Variants in ZNF365 observed in about 807,000 individuals in gnomAD.
The protein encoded by ZNF365 is zinc finger protein 365, also known as protein ZNF365.
A neutral mutation model predicts 35.0 loss-of-function variants in ZNF365; 22 were observed. The observed-to-expected ratio is 0.63, with a 90% CI of 0.45 to 0.90. ZNF365 has a LOEUF of 0.90. Ranked by LOEUF, ZNF365 falls within the 40% of genes least tolerant of loss-of-function variation. The probability of loss-of-function intolerance (pLI) is 0.00; values close to 1 mark genes in which losing one functional copy is unlikely to be tolerated. For missense variants in ZNF365, 448 were observed against 500.3 expected, an observed-to-expected ratio of 0.90 and a Z score of 1.00; for synonymous variants, 188 against 196.2, an observed-to-expected ratio of 0.96 and a Z score of 0.35.
At chr10:62,454,945 T>G (rs1196202701) in intron 3 of ZNF365, among the ~76,000 whole-genome samples, 1 of 152,130 alleles carries the variant, frequency 6.6e-6, no homozygotes, top group African/African-American at 2.4e-5. Context: ...GCACATCTTG[T>G]GGGATAAATG....
At chr10:62,377,419 C>T (rs1369070881) in intron 2 of ZNF365, among the ~76,000 whole-genome samples, 2 of 152,146 alleles carry the variant, frequency 1.3e-5, no homozygotes, top group African/African-American at 2.4e-5. Flanking sequence ...ATTATCTGCC[C>T]AGGTTAATTA....
chr10:62,427,994 C>G (rs1234037086), intron 3 of ZNF365, among the ~76,000 whole-genome samples: 2 of 152,120 alleles, frequency 1.3e-5, no homozygotes, highest in African/African-American at 4.8e-5. Context: ...GATTGGAAAA[C>G]CAAGAGTGGC....
chr10:62,456,423 C>T (rs186088085), intron 3 of ZNF365, among the ~76,000 whole-genome samples: 10 of 152,176 alleles, frequency 6.6e-5, no homozygotes, highest in African/African-American at 1.2e-4. Flanking sequence ...ATTTTGTGTA[C>T]GCCACTCCCC....
intron 4 of ZNF365, among the ~76,000 whole-genome samples, chr10:62,468,529 G>A (rs1840981347): frequency 6.6e-6 from 1 of 152,118 alleles, no homozygotes; most frequent in Admixed American, 6.5e-5. Context: ...ATTGAAACAA[G>A]AACAAACATC....
At chr10:62,434,670 A>G (rs931780954) in intron 3 of ZNF365, among the ~76,000 whole-genome samples, 1 of 152,138 alleles carries the variant, frequency 6.6e-6, no homozygotes, top group Non-Finnish European at 1.5e-5. Flanking sequence ...AGGACAGTGA[A>G]ATAGGACATT....
chr10:62,459,240 G>A (rs1840808324), intron 3 of ZNF365, among the ~76,000 whole-genome samples: 1 of 152,150 alleles, frequency 6.6e-6, no homozygotes, highest in African/African-American at 2.4e-5. Flanking sequence ...ACTCACATGG[G>A]GATGACTTCA....
At chr10:62,454,686 AT>A (rs1289937832) in intron 3 of ZNF365, among the ~76,000 whole-genome samples, 2 of 151,654 alleles carry the variant, frequency 1.3e-5, no homozygotes, top group East Asian at 3.9e-4. Context: ...TGCAGTGAAC[AT>A]TTACTATCTT....
chr10:62,416,556 A>T (rs1381343011), intron 3 of ZNF365, among the ~76,000 whole-genome samples: 4 of 152,136 alleles, frequency 2.6e-5, no homozygotes, highest in African/African-American at 9.6e-5. Flanking sequence ...AAGGTCATGG[A>T]TCCTTTGCAG....
chr10:62,392,597 A>C (rs1409274667), intron 3 of ZNF365, among the ~76,000 whole-genome samples: 1 of 139,728 alleles, frequency 7.2e-6, no homozygotes, highest in Admixed American at 7.4e-5. Flanking sequence ...CCATTGGTCT[A>C]TGTGCCGTTT....
chr10:62,405,146 A>G (rs55733758), downstream of ZNF365, among the ~76,000 whole-genome samples: 1 of 152,146 alleles, frequency 6.6e-6, no homozygotes, highest in Non-Finnish European at 1.5e-5. Flanking sequence ...TGGCTCCTGA[A>G]TGCAAGCCAG....
chr10:62,401,993 C>T lies in ZNF365; in HGVS notation c.*2204C>T. ...TATGTATGTTGTGCCTCCTTAGAGA[C>T]ATAAATTTAGTGTCAAAACATGGGA... On this transcript the variant is annotated 3_prime_UTR_variant, in exon 5 of 5. Coordinates refer to ENST00000395254, the MANE Select transcript of ZNF365 (RefSeq NM_014951.3). 1 of 985,558 alleles carries T rather than the reference C, an allele frequency of 1.0e-6. No homozygotes were observed. The highest frequency in any genetic ancestry group is 1.2e-6 in the Non-Finnish European group (1 of 829,912). The allele number at this position is 985,558 out of a possible 1,614,324, so 61.1% of individuals were successfully genotyped here.
At chr10:62,381,530 A>C (rs1174425214) in intron 2 of ZNF365, among the ~76,000 whole-genome samples, 1 of 151,734 alleles carries the variant, frequency 6.6e-6, no homozygotes, top group African/African-American at 2.4e-5. Flanking sequence ...TGTAATACTG[A>C]GTGTGGCCCA....
intron 3 of ZNF365, among the ~76,000 whole-genome samples, chr10:62,440,127 T>G (rs2132463953): frequency 6.6e-6 from 1 of 152,306 alleles, no homozygotes; most frequent in South Asian, 2.1e-4. Context: ...TTAGGCTCAT[T>G]TTGCCATGCA....
At position 62,462,486 on chromosome 10, in the gene ZNF365, T is replaced by G. The variant is rs186212842; in HGVS notation, c.981+2689T>G. ...GACCCTAAGGGTGGGTTTTCTCACC[T>G]CCTAGAGATCCCTGGCATCCCACAT... On this transcript the variant is annotated intron_variant, in intron 4 of 4. Coordinates refer to the ZNF365 transcript ENST00000395255. Among the ~76,000 whole-genome samples the G allele has an allele frequency of 8.5e-5, 13 of 152,282 alleles. No homozygotes were observed. In the East Asian group the frequency reaches 1.5e-3, roughly 18 times the overall value.
chr10:62,476,627 A>G (rs1370525263), intron 4 of ZNF365, among the ~76,000 whole-genome samples: 1 of 152,236 alleles, frequency 6.6e-6, no homozygotes, highest in Non-Finnish European at 1.5e-5. Flanking sequence ...AGGAACTTCA[A>G]TATAGGTTTC....
intron 3 of ZNF365, among the ~76,000 whole-genome samples, chr10:62,459,155 G>A (rs1244867021): frequency 2.6e-5 from 4 of 152,224 alleles, no homozygotes; most frequent in African/African-American, 9.6e-5. Flanking sequence ...GATGGAGGGA[G>A]AGCTTCTGCC....
intron 3 of ZNF365, among the ~76,000 whole-genome samples, chr10:62,420,868 C>T (rs1376000157): frequency 1.3e-5 from 2 of 151,838 alleles, no homozygotes; most frequent in Admixed American, 6.6e-5. Context: ...CTGCAACCTC[C>T]ACCTCCCTGG....
intron 3 of ZNF365, among the ~76,000 whole-genome samples, chr10:62,442,664 G>C (rs1564591391): frequency 6.6e-6 from 1 of 152,172 alleles, no homozygotes; most frequent in African/African-American, 2.4e-5. Context: ...CCTTTGCCCT[G>C]TCTCTTGAAA....
At chr10:62,480,140 C>A in exon 5 of ZNF365, 1 of 1,295,118 alleles carries the variant, frequency 7.7e-7, no homozygotes. Flanking sequence ...ACAGCCCACC[C>A]CTCATGCTTT....
Sources: allele counts gnomAD v4.1 joint callset (sites outside exome capture counted in the v4.1 genomes callset), GRCh38; gene constraint gnomAD v4.1.1; transcripts MANE v1.5; gene names NCBI Gene and HGNC (gene_info 2026-07-23, HGNC 2026-07-21).